The following DAAM1 variants were observed in gnomAD, a reference collection of about 807,000 sequenced individuals.
DAAM1 encodes the protein dishevelled associated activator of morphogenesis 1, also known as disheveled-associated activator of morphogenesis 1.
A neutral mutation model predicts 130.0 loss-of-function variants in DAAM1; 52 were observed. The observed-to-expected ratio is 0.40, with a 90% CI of 0.32 to 0.50. The LOEUF is 0.50. Ranked by LOEUF, DAAM1 falls within the 20% of genes least tolerant of loss-of-function variation. The pLI is 0.61. For synonymous variants in DAAM1, 452 were observed against 444.5 expected (o/e 1.02, Z -0.21); for missense variants, 1,134 against 1,303.8 (o/e 0.87, Z 2.01).
intron 21 of DAAM1, among the ~76,000 whole-genome samples, chr14:59,360,373 T>G (rs1051474725): frequency 6.6e-6 from 1 of 152,256 alleles, no homozygotes; most frequent in African/African-American, 2.4e-5. Flanking sequence ...TATTGGGGCC[T>G]TAGTGAAAAG....
chr14:59,284,029 G>A (rs577466321), intron 2 of DAAM1, among the ~76,000 whole-genome samples: 2 of 152,264 alleles, frequency 1.3e-5, no homozygotes, highest in East Asian at 1.9e-4. Context: ...GCAGTGTCGT[G>A]TACCTTTTCC....
At chr14:59,307,647 A>G (rs1442296157) in intron 3 of DAAM1, among the ~76,000 whole-genome samples, 3 of 152,198 alleles carry the variant, frequency 2.0e-5, no homozygotes, top group African/African-American at 7.2e-5. Flanking sequence ...ACCTGCATAA[A>G]CCAAAGAAAA....
rs536856177 is a variant in DAAM1, at chr14:59,311,308, A to G, written c.274-3972A>G. The stretch of plus-strand genomic sequence containing the variant: ...GTTTTAAAAATAGAAATCCAGTAAG[A>G]GAAGACAATTAGTAGAGAAATGGTT... On this transcript the variant is annotated intron_variant, in intron 3 of 24. Coordinates refer to ENST00000360909, the MANE Select transcript of DAAM1 (RefSeq NM_001270520.2). Among the ~76,000 whole-genome samples, 4 of 152,320 alleles carry G rather than the reference A, an allele frequency of 2.6e-5. No homozygotes were observed. The East Asian group carries it at 7.7e-4, about 29-fold the overall frequency.
In DAAM1 at chr14:59,232,038, T is replaced by C. The variant is rs952303951; in HGVS notation, c.-37-31403T>C. 7.9e-5 allele frequency among the ~76,000 whole-genome samples: 12 copies of C among 152,180 alleles called. No homozygotes were observed. The East Asian group carries it at 2.1e-3, about 27-fold the overall frequency. On this transcript the variant is annotated intron_variant, in intron 1 of 24. Transcript: ENST00000360909. ...AGCTAGTACTATTTTATCCCCACTT[T>C]ACAGAGAGGAAACAGATAGCAAGTT...
At chr14:59,282,508 T>C (rs61986055) in intron 2 of DAAM1, among the ~76,000 whole-genome samples, 10,627 of 152,138 alleles carry the variant, frequency 0.07, 448 homozygotes, top group Non-Finnish European at 0.097. Context: ...TGATAACAAA[T>C]CCCACTCTTT....
intron 2 of DAAM1, chr14:59,265,362 TC>T (rs1191454955): frequency 1.3e-5 from 2 of 152,344 alleles, no homozygotes; most frequent in Admixed American, 1.3e-4. Context: ...AGGAATCTCT[TC>T]CTTCTTTGAT....
chr14:59,354,050 A>C, intron 19 of DAAM1, 86 bp downstream of exon 19: 12 of 1,270,492 alleles, frequency 9.4e-6, no homozygotes, highest in Non-Finnish European at 1.3e-5. Context: ...AGTAAACAAG[A>C]TCCCCTTGGT....
chr14:59,245,424 C>T (rs1397735916), intron 1 of DAAM1, among the ~76,000 whole-genome samples: 1 of 152,102 alleles, frequency 6.6e-6, no homozygotes, highest in Non-Finnish European at 1.5e-5. Context: ...AGTAGCAGGA[C>T]CTTGAGATTA....
At chr14:59,327,402 CTTTTTTTTTTT>C (rs386381493) in intron 12 of DAAM1, among the ~76,000 whole-genome samples, 2 of 58,992 alleles carry the variant, frequency 3.4e-5, no homozygotes, top group African/African-American at 7.7e-5. Flanking sequence ...CACTTGGTTT[CTTTTTTTTTTT>C]TTTTTTTTTT....
intron 1 of DAAM1, among the ~76,000 whole-genome samples, chr14:59,205,245 A>G (rs1043926104): frequency 2.0e-5 from 3 of 152,226 alleles, no homozygotes; most frequent in African/African-American, 7.2e-5. Context: ...TAGAAAAACT[A>G]TGTGATAAAC....
At chr14:59,302,761 C>G (rs1057105966) in intron 3 of DAAM1, among the ~76,000 whole-genome samples, 1 of 152,164 alleles carries the variant, frequency 6.6e-6, no homozygotes, top group Non-Finnish European at 1.5e-5. Flanking sequence ...TCATGTAATT[C>G]TCCTGCCTCA....
rs563835675 is a variant in DAAM1 at position 59,263,401 on chromosome 14, G to A, written c.-37-40G>A. 16 of 1,563,736 alleles carry A rather than the reference G, an allele frequency of 1.0e-5. No individual in the cohort carries two copies. The African/African-American group carries it at 1.8e-4, about 17-fold the overall frequency. On this transcript the variant is annotated intron_variant, in intron 1 of 24. Coordinates refer to ENST00000360909, the MANE Select transcript of DAAM1 (RefSeq NM_001270520.2). ...TGGCCTTTTAAAAATCATTTTATCTGTTCCTGTACTCTTAACCATGTCATA... is the reference window on the plus strand; with the variant it reads ...TGGCCTTTTAAAAATCATTTTATCTATTCCTGTACTCTTAACCATGTCATA...
In DAAM1 at chr14:59,275,120, G is replaced by T. The variant is rs185688347; in HGVS notation, c.183+11460G>T. 3.0e-4 allele frequency among the ~76,000 whole-genome samples: 46 copies of T among 152,300 alleles called. 2 individuals carry two copies. In the East Asian group the frequency reaches 8.9e-3, roughly 29 times the overall value. On this transcript the variant is annotated intron_variant, in intron 2 of 24. Coordinates refer to ENST00000360909, the MANE Select transcript of DAAM1 (RefSeq NM_001270520.2). ...CTATCGAAGGAGGTGGCCATGTGTG[G>T]AACTTGGCTTCATGGTTGGTTGCCC...
At chr14:59,289,560 G>A (rs913502221) in intron 2 of DAAM1, among the ~76,000 whole-genome samples, 5 of 151,964 alleles carry the variant, frequency 3.3e-5, no homozygotes, top group African/African-American at 7.3e-5. Context: ...ACTGTGGAAA[G>A]CAGTGTGAAG....
intron 3 of DAAM1, among the ~76,000 whole-genome samples, chr14:59,296,170 G>C (rs1883947564): frequency 6.6e-6 from 1 of 152,140 alleles, no homozygotes; most frequent in Admixed American, 6.5e-5. Context: ...CTCTCTAAAG[G>C]CTATATAAGG....
chr14:59,295,426 C>A (rs1419674590), intron 3 of DAAM1, among the ~76,000 whole-genome samples: 1 of 152,208 alleles, frequency 6.6e-6, no homozygotes, highest in Non-Finnish European at 1.5e-5. Context: ...GGAAGTTCAG[C>A]TAGTACTTTT....
intron 1 of DAAM1, among the ~76,000 whole-genome samples, chr14:59,251,310 A>C (rs543546992): frequency 6.6e-6 from 1 of 152,348 alleles, no homozygotes; most frequent in Admixed American, 6.5e-5. Context: ...GTGCATTAAA[A>C]TAATAACAGA....
rs17095910 is a variant in DAAM1, at chr14:59,231,351, A to G, written c.-37-32090A>G. 7.2e-3 allele frequency among the ~76,000 whole-genome samples: 1,096 copies of G among 152,286 alleles called. 15 individuals are homozygous for G. Among genetic ancestry groups the G allele is most frequent in the African/African-American group, 0.026 (1,063 of 41,560 alleles). On this transcript the variant is annotated intron_variant, in intron 1 of 24. Coordinates refer to ENST00000360909, the MANE Select transcript of DAAM1 (RefSeq NM_001270520.2). The stretch of plus-strand genomic sequence containing the variant: ...TTACTTCAAATTTTTCTAAGTAGGA[A>G]AAGTGCAAGCAATAATGATGAAAAA...
chr14:59,229,976 A>G (rs890856753), intron 1 of DAAM1, among the ~76,000 whole-genome samples: 1 of 152,220 alleles, frequency 6.6e-6, no homozygotes, highest in Non-Finnish European at 1.5e-5. Flanking sequence ...TGATAAGGGT[A>G]AATAAATTTA....
Sources: allele counts gnomAD v4.1 joint callset (sites outside exome capture counted in the v4.1 genomes callset), GRCh38; gene constraint gnomAD v4.1.1; transcripts MANE v1.5; gene names NCBI Gene and HGNC (gene_info 2026-07-23, HGNC 2026-07-21).